KCNQ5: variants seen among roughly 807,000 people sequenced by gnomAD.
The protein encoded by KCNQ5 is potassium voltage-gated channel subfamily KQT member 5.
KCNQ5 carries 30 observed loss-of-function variants against 98.2 expected under a neutral mutation model. The ratio of observed to expected loss-of-function variants is 0.31; its 90% CI spans 0.23 to 0.41. The LOEUF (loss-of-function observed/expected upper bound fraction) is 0.41. KCNQ5 is among the 10% of genes least tolerant of loss of function. The probability of loss-of-function intolerance (pLI) is 1.00; values close to 1 mark genes in which losing one functional copy is unlikely to be tolerated. For synonymous variants in KCNQ5, 458 were observed against 449.4 expected (o/e 1.02, Z -0.24); for missense variants, 835 against 1,182.5 (o/e 0.71, Z 4.31).
intron 1 of KCNQ5, among the ~76,000 whole-genome samples, chr6:72,998,736 C>CAA (rs879644983): frequency 1.5e-5 from 2 of 132,932 alleles, no homozygotes; most frequent in Non-Finnish European, 1.6e-5. Flanking sequence ...GACTCCATCT[C>CAA]AAAAAAAAAA....
At chr6:72,854,157 T>C (rs1046329576) in intron 1 of KCNQ5, among the ~76,000 whole-genome samples, 1 of 152,192 alleles carries the variant, frequency 6.6e-6, no homozygotes, top group Non-Finnish European at 1.5e-5. Flanking sequence ...AGTTCTTCTC[T>C]GAAAATATAA....
intron 1 of KCNQ5, among the ~76,000 whole-genome samples, chr6:72,642,166 C>T (rs757649955): frequency 1.3e-5 from 2 of 148,988 alleles, no homozygotes; most frequent in Non-Finnish European, 3.0e-5. Flanking sequence ...AGATAAAGAG[C>T]GTGTTAAAAA....
chr6:73,043,530 G>C (rs1771816904), intron 3 of KCNQ5, among the ~76,000 whole-genome samples: 1 of 152,082 alleles, frequency 6.6e-6, no homozygotes, highest in South Asian at 2.1e-4. Context: ...TTTTCTCTCT[G>C]AATTCTCTAC....
At chr6:72,828,602 A>C (rs779191678) in intron 1 of KCNQ5, among the ~76,000 whole-genome samples, 19 of 152,160 alleles carry the variant, frequency 1.2e-4, no homozygotes, top group African/African-American at 1.4e-4. Context: ...TTCGTTTATC[A>C]GTACTAAGAG....
At chr6:72,698,545 T>A (rs1354914178) in intron 1 of KCNQ5, among the ~76,000 whole-genome samples, 1 of 152,084 alleles carries the variant, frequency 6.6e-6, no homozygotes, top group East Asian at 1.9e-4. Context: ...TGGGGGGATT[T>A]TCTGGTCATT....
chr6:72,742,823 T>A (rs1771198512), intron 1 of KCNQ5, among the ~76,000 whole-genome samples: 1 of 152,142 alleles, frequency 6.6e-6, no homozygotes, highest in Non-Finnish European at 1.5e-5. Context: ...GAAATGAACA[T>A]AATGTACCCA....
At chr6:72,674,169 T>C (rs1767284699) in intron 1 of KCNQ5, among the ~76,000 whole-genome samples, 1 of 152,170 alleles carries the variant, frequency 6.6e-6, no homozygotes, top group Non-Finnish European at 1.5e-5. Context: ...TATCTATCTG[T>C]ATGTCTGCCT....
chr6:73,077,872 T>C lies in KCNQ5; in HGVS notation c.903T>C (p.Ala301=), dbSNP rs888125620. ...AAGAGTTTTCTACATATGCAGATGC[T>C]CTCTGGTGGGGCACAGTAAGTATAA... The part of the protein sequence containing the change: ...ANKEFSTYAD[A]LWWGTITLTT... Residue 301 remains alanine (A), a synonymous_variant, in exon 5 of 14, where the codon GCT becomes GCC. Transcript: ENST00000370398. The C allele has an allele frequency of 1.2e-6, 2 of 1,608,102 alleles. No homozygotes were observed. The highest frequency in any genetic ancestry group is 2.2e-5 in the South Asian group (2 of 89,408).
At chr6:72,964,349 T>C (rs533458892) in intron 1 of KCNQ5, among the ~76,000 whole-genome samples, 1 of 152,214 alleles carries the variant, frequency 6.6e-6, no homozygotes, top group Non-Finnish European at 1.5e-5. Flanking sequence ...TAATCAATAG[T>C]AGGAACAAGC....
intron 11 of KCNQ5, among the ~76,000 whole-genome samples, chr6:73,186,280 A>G (rs928782769): frequency 6.6e-6 from 1 of 152,062 alleles, no homozygotes; most frequent in Non-Finnish European, 1.5e-5. Flanking sequence ...CATTCCCTCC[A>G]CACTTATAAA....
chr6:72,695,313 A>G (rs1369524211), intron 1 of KCNQ5, among the ~76,000 whole-genome samples: 1 of 152,198 alleles, frequency 6.6e-6, no homozygotes, highest in African/African-American at 2.4e-5. Flanking sequence ...GTTTTTACCT[A>G]AACTCAATAA....
intron 1 of KCNQ5, among the ~76,000 whole-genome samples, chr6:72,740,414 A>G (rs1254788529): frequency 5.3e-5 from 8 of 152,120 alleles, no homozygotes; most frequent in Non-Finnish European, 1.0e-4. Context: ...GCTAGTGAGT[A>G]ACTAAAATTC....
At chr6:72,870,562 T>G (rs908187412) in intron 1 of KCNQ5, among the ~76,000 whole-genome samples, 2 of 152,134 alleles carry the variant, frequency 1.3e-5, no homozygotes, top group Non-Finnish European at 2.9e-5. Flanking sequence ...GGTGGCATAT[T>G]TTATGTCTCT....
chr6:72,797,539 T>TTGTTATA (rs1476223850), intron 1 of KCNQ5, among the ~76,000 whole-genome samples: 8 of 151,996 alleles, frequency 5.3e-5, no homozygotes, highest in African/African-American at 1.9e-4. Flanking sequence ...TAAATACTGC[T>TTGTTATA]TGTTATAGTT....
intron 1 of KCNQ5, among the ~76,000 whole-genome samples, chr6:72,851,260 TAACTTGTC>T (rs1393544379): frequency 6.6e-6 from 1 of 152,186 alleles, no homozygotes; most frequent in Non-Finnish European, 1.5e-5. Context: ...CCTACTAGTT[TAACTTGTC>T]AACATACATC....
intron 10 of KCNQ5, among the ~76,000 whole-genome samples, chr6:73,164,092 G>A (rs956386067): frequency 6.6e-5 from 10 of 152,218 alleles, no homozygotes; most frequent in East Asian, 1.9e-4. Context: ...ATTTGGTGAC[G>A]TTTTTGTGAC....
intron 1 of KCNQ5, among the ~76,000 whole-genome samples, chr6:72,630,771 G>C (rs1437609985): frequency 6.6e-6 from 1 of 152,148 alleles, no homozygotes; most frequent in Non-Finnish European, 1.5e-5. Context: ...GAGACAATGT[G>C]CTGGAAGGCT....
chr6:72,876,572 C>T (rs540661392), intron 1 of KCNQ5, among the ~76,000 whole-genome samples: 121 of 152,220 alleles, frequency 7.9e-4, no homozygotes, highest in African/African-American at 2.9e-3. Flanking sequence ...CAATTAAAAT[C>T]TCATCTTTTA....
In KCNQ5 at chr6:72,739,869, G is replaced by A. The variant is rs886583046; in HGVS notation, c.398+117282G>A. On this transcript the variant is annotated intron_variant, in intron 1 of 13. Transcript: ENST00000370398. ...TTATTGTGTTTTAAGAATATTTATAGCACTGTAAGTTTAGGCTATTATATT... is the reference window on the plus strand; with the variant it reads ...TTATTGTGTTTTAAGAATATTTATAACACTGTAAGTTTAGGCTATTATATT... Among the ~76,000 whole-genome samples, 8 of 152,256 alleles carry A rather than the reference G, an allele frequency of 5.3e-5. No individual in the cohort carries two copies. In the East Asian group the frequency reaches 1.5e-3, roughly 29 times the overall value.
Sources: gnomAD v4.1 joint callset for allele counts (sites outside exome capture counted in the v4.1 genomes callset) on GRCh38, gnomAD v4.1.1 for gene constraint, MANE v1.5 for transcripts, NCBI Gene and HGNC (gene_info 2026-07-23, HGNC 2026-07-21) for gene names.